Variants in ASRGL1 observed in about 807,000 individuals in gnomAD.
The protein encoded by ASRGL1 is asparaginase and isoaspartyl peptidase 1.
ASRGL1 carries 16 observed loss-of-function variants against 22.4 expected under a neutral mutation model. That is an observed-to-expected ratio of 0.71 (90% CI 0.48 to 1.08). The LOEUF is 1.08. Ranked by LOEUF, ASRGL1 falls within the 50% of genes least tolerant of loss-of-function variation. ASRGL1 has a pLI of 0.00. For synonymous variants in ASRGL1, 165 were observed against 159.3 expected (o/e 1.04, Z -0.27); for missense variants, 412 against 410.1 (o/e 1.00, Z -0.04).
chr11:62,350,169 C>T (rs371902924), intron 2 of ASRGL1, among the ~76,000 whole-genome samples: 2 of 152,310 alleles, frequency 1.3e-5, no homozygotes, highest in South Asian at 2.1e-4. Context: ...CTGGTTCAAA[C>T]GTCTCTGACG....
chr11:62,345,563 G>A (rs772607592), intron 2 of ASRGL1, among the ~76,000 whole-genome samples: 7 of 151,994 alleles, frequency 4.6e-5, no homozygotes, highest in African/African-American at 7.2e-5. Context: ...GCCACCACCC[G>A]TGGCCCAGCA....
chr11:62,372,572 A>G (rs1946802315), intron 4 of ASRGL1: 2 of 893,614 alleles, frequency 2.2e-6, no homozygotes, highest in South Asian at 1.3e-5. Flanking sequence ...AAGACAAAAG[A>G]CAGATTCTGC....
chr11:62,380,419 T>C lies in ASRGL1; in HGVS notation c.492-8714T>C, dbSNP rs553298907. Reference sequence around the variant, plus strand: ...GGGCAGGTGGTTCCTGGGTCTTGGATTTTTTTCCCAGGCCCTAAGGCAGAT... The same window carrying C: ...GGGCAGGTGGTTCCTGGGTCTTGGACTTTTTTCCCAGGCCCTAAGGCAGAT... On this transcript the variant is annotated intron_variant, in intron 4 of 6. Coordinates refer to ENST00000415229, the MANE Select transcript of ASRGL1 (RefSeq NM_001083926.2). Among the ~76,000 whole-genome samples the C allele has an allele frequency of 2.7e-4, 41 of 151,802 alleles. No homozygotes were observed. In the South Asian group the frequency reaches 8.3e-3, roughly 31 times the overall value.
chr11:62,397,879 C>T (rs1947450023), downstream of ASRGL1, among the ~76,000 whole-genome samples: 1 of 152,160 alleles, frequency 6.6e-6, no homozygotes, highest in African/African-American at 2.4e-5. Flanking sequence ...GGTCAATATT[C>T]AAATTTCCCC....
At chr11:62,337,813 C>T in intron 1 of ASRGL1, 77 bp from the exon 2 acceptor site, 1 of 696,052 alleles carries the variant, frequency 1.4e-6, no homozygotes, top group East Asian at 3.2e-5. Flanking sequence ...TCGTACCAAG[C>T]TCGACCGAGC....
At position 62,356,360 on chromosome 11, in the gene ASRGL1, G is replaced by T. The variant is rs780978099; in HGVS notation, c.226G>T (p.Glu76Ter). The T allele has an allele frequency of 1.2e-6, 2 of 1,614,204 alleles. No homozygotes were observed. The highest frequency in any genetic ancestry group is 1.7e-6 in the Non-Finnish European group (2 of 1,179,984). ...GSVLNTNGEV[E>*]MDASIMDGKD... ...TGTCTTGAACACAAATGGTGAGGTTGAAATGGATGCTAGTATCATGGATGG... is the reference window on the plus strand; with the variant it reads ...TGTCTTGAACACAAATGGTGAGGTTTAAATGGATGCTAGTATCATGGATGG... Residue 76 changes from glutamate (E) to a stop codon, truncating the protein, a stop_gained, in exon 3 of 7, where the codon GAA (glutamate) becomes TAA (stop). Transcript: ENST00000415229. LOFTEE classifies it high-confidence loss of function.
At position 62,392,579 on chromosome 11, in the gene ASRGL1, A is replaced by G. The variant is rs868654587; in HGVS notation, c.*295A>G. On this transcript the variant is annotated 3_prime_UTR_variant, in exon 7 of 7. Transcript: ENST00000415229. ...GCCAGGCCCTGTATCAAAAAAAAAA[A>G]AAAAAAGAAAAGGGAAAAAAGAAAG... 1.4e-4 allele frequency: 45 copies of G among 319,502 alleles called. No homozygotes were observed. The highest frequency in any genetic ancestry group is 9.9e-4 in the Middle Eastern group (1 of 1,012). 19.8% of individuals were successfully genotyped at this position (319,502 alleles called of 1,614,324 possible).
chr11:62,366,719 C>T (rs1275370142), intron 4 of ASRGL1, among the ~76,000 whole-genome samples: 1 of 151,962 alleles, frequency 6.6e-6, no homozygotes, highest in Non-Finnish European at 1.5e-5. Flanking sequence ...CTATGTTGCT[C>T]AGGCTGGCCT....
intron 4 of ASRGL1, among the ~76,000 whole-genome samples, chr11:62,386,695 T>G (rs570780572): frequency 6.6e-6 from 1 of 152,286 alleles, no homozygotes; most frequent in East Asian, 1.9e-4. Context: ...GATACACAGG[T>G]GTATAATTGC....
chr11:62,357,385 G>A (rs1946328675), intron 4 of ASRGL1, among the ~76,000 whole-genome samples: 1 of 151,206 alleles, frequency 6.6e-6, no homozygotes, highest in African/African-American at 2.4e-5. Flanking sequence ...GAGTAGCTGG[G>A]ACTACAGGCA....
intron 4 of ASRGL1, among the ~76,000 whole-genome samples, chr11:62,375,009 A>G (rs1946875572): frequency 6.6e-6 from 1 of 151,022 alleles, no homozygotes; most frequent in Admixed American, 6.6e-5. Flanking sequence ...GCAGCACCTG[A>G]GGTCCCAGCC....
At chr11:62,400,360 CTAT>C in the ASRGL1 span, among the ~76,000 whole-genome samples, 1 of 152,156 alleles carries the variant, frequency 6.6e-6, no homozygotes, top group Non-Finnish European at 1.5e-5. Context: ...TAAATGTTAG[CTAT>C]TATTTTATTA....
At chr11:62,362,764 A>G (rs1217328826) in intron 4 of ASRGL1, among the ~76,000 whole-genome samples, 89 of 112,736 alleles carry the variant, frequency 7.9e-4, no homozygotes, top group Admixed American at 2.6e-3. Flanking sequence ...AAATTTATAT[A>G]TATAAATTTA....
At chr11:62,395,674 G>A (rs921764307), downstream of ASRGL1, among the ~76,000 whole-genome samples, 1 of 148,008 alleles carries the variant, frequency 6.8e-6, no homozygotes, top group Non-Finnish European at 1.5e-5. Context: ...CGTTCTTCCC[G>A]CCCCCCACCT....
At chr11:62,375,224 G>T (rs993160657) in intron 4 of ASRGL1, among the ~76,000 whole-genome samples, 10 of 151,818 alleles carry the variant, frequency 6.6e-5, no homozygotes, top group Non-Finnish European at 1.3e-4. Context: ...AAAACAAAGA[G>T]TTGTGGGGGA....
chr11:62,355,644 G>C (rs1050926204), intron 2 of ASRGL1, among the ~76,000 whole-genome samples: 1 of 117,074 alleles, frequency 8.5e-6, no homozygotes, highest in South Asian at 2.7e-4. Context: ...TTTTTTCATT[G>C]ATCATTCTTG....
intron 4 of ASRGL1, among the ~76,000 whole-genome samples, chr11:62,385,458 C>CA (rs998776620): frequency 1.6e-4 from 24 of 152,212 alleles, no homozygotes; most frequent in African/African-American, 5.8e-4. Flanking sequence ...AGGCACAAGC[C>CA]ACTGTACCTG....
chr11:62,362,428 TTAA>T (rs1184245396), intron 4 of ASRGL1, among the ~76,000 whole-genome samples: 1 of 132,832 alleles, frequency 7.5e-6, no homozygotes, highest in Non-Finnish European at 1.5e-5. Context: ...CTGATTTCTA[TTAA>T]TAAATTTAAC....
At chr11:62,394,767 A>T (rs1445516133), downstream of ASRGL1, among the ~76,000 whole-genome samples, 1 of 152,158 alleles carries the variant, frequency 6.6e-6, no homozygotes, top group African/African-American at 2.4e-5. Flanking sequence ...GTGCTAGGGT[A>T]CGTATGGGGT....
Sources: allele counts gnomAD v4.1 joint callset (sites outside exome capture counted in the v4.1 genomes callset), GRCh38; gene constraint gnomAD v4.1.1; transcripts MANE v1.5; gene names NCBI Gene and HGNC (gene_info 2026-07-23, HGNC 2026-07-21).